The following MAGI1 variants were observed in gnomAD, a reference collection of about 807,000 sequenced individuals.
MAGI1 encodes the protein membrane-associated guanylate kinase, WW and PDZ domain-containing protein 1.
A neutral mutation model predicts 139.9 loss-of-function variants in MAGI1; 58 were observed. The observed-to-expected ratio is 0.41, with a 90% CI of 0.34 to 0.52. MAGI1 has a LOEUF of 0.52. Ranked by LOEUF, MAGI1 falls within the 20% of genes least tolerant of loss-of-function variation. The pLI is 0.12. For missense variants in MAGI1, 1,874 were observed against 1,901.6 expected, an observed-to-expected ratio of 0.99 and a Z score of 0.27; for synonymous variants, 812 against 737.9, an observed-to-expected ratio of 1.10 and a Z score of -1.63.
chr3:65,416,739 G>A (rs2107241596), intron 12 of MAGI1, among the ~76,000 whole-genome samples: 1 of 152,274 alleles, frequency 6.6e-6, no homozygotes, highest in Non-Finnish European at 1.5e-5. Flanking sequence ...TTTCCACGTT[G>A]CCAGTGGAAT....
chr3:65,455,159 G>C (rs1451457215), intron 5 of MAGI1, among the ~76,000 whole-genome samples: 1 of 152,086 alleles, frequency 6.6e-6, no homozygotes, highest in Non-Finnish European at 1.5e-5. Flanking sequence ...TCAGTTAAAA[G>C]AAAGAAGAGA....
chr3:65,801,290 T>C (rs2040496196), intron 1 of MAGI1, among the ~76,000 whole-genome samples: 1 of 152,214 alleles, frequency 6.6e-6, no homozygotes, highest in Non-Finnish European at 1.5e-5. Context: ...CATTTGAGTC[T>C]TTTGAGATCT....
chr3:65,787,387 G>T (rs950939967), intron 1 of MAGI1, among the ~76,000 whole-genome samples: 1 of 151,592 alleles, frequency 6.6e-6, no homozygotes, highest in South Asian at 2.1e-4. Context: ...TTCCTCTGCC[G>T]TTTTTTTAGT....
intron 22 of MAGI1, chr3:65,359,521 C>G (rs1397423076): frequency 9.8e-7 from 1 of 1,023,570 alleles, no homozygotes; most frequent in Non-Finnish European, 1.2e-6. Flanking sequence ...CCTTCCCACC[C>G]CCACCAAAGA....
intron 1 of MAGI1, among the ~76,000 whole-genome samples, chr3:65,965,670 T>C (rs1056311837): frequency 6.6e-6 from 1 of 151,974 alleles, no homozygotes; most frequent in African/African-American, 2.4e-5. Context: ...TTTTTTTTTT[T>C]CTTTTTGGTT....
chr3:65,844,004 T>C (rs2058897871), intron 1 of MAGI1: 4 of 316,942 alleles, frequency 1.3e-5, no homozygotes, highest in Non-Finnish European at 2.5e-5. Context: ...CCATCGAGGG[T>C]ATGCAGATAT....
chr3:65,684,167 CAAAAA>C (rs1163089641), intron 1 of MAGI1, among the ~76,000 whole-genome samples: 1 of 79,412 alleles, frequency 1.3e-5, no homozygotes. Flanking sequence ...GAGACTGTCT[CAAAAA>C]AAAAAAAAAA....
chr3:65,400,629 C>T (rs1944792778), intron 13 of MAGI1, among the ~76,000 whole-genome samples: 1 of 152,062 alleles, frequency 6.6e-6, no homozygotes, highest in South Asian at 2.1e-4. Context: ...GTCATTAGTG[C>T]CCCGGGAGCA....
At chr3:65,939,235 T>A (rs1458052302) in intron 1 of MAGI1, among the ~76,000 whole-genome samples, 1 of 152,180 alleles carries the variant, frequency 6.6e-6, no homozygotes, top group Non-Finnish European at 1.5e-5. Context: ...TTAAAAAAAA[T>A]GCCTTTTGTA....
chr3:65,649,415 T>C (rs2085459514), intron 1 of MAGI1, among the ~76,000 whole-genome samples: 1 of 152,120 alleles, frequency 6.6e-6, no homozygotes, highest in East Asian at 1.9e-4. Context: ...ATGTGTGAAG[T>C]CTTTGGTATC....
intron 1 of MAGI1, among the ~76,000 whole-genome samples, chr3:65,857,039 C>T (rs1274928497): frequency 2.0e-5 from 3 of 152,200 alleles, no homozygotes; most frequent in Non-Finnish European, 2.9e-5. Context: ...TGGCCAGCTC[C>T]AACAGAGGTA....
chr3:65,478,859 G>C (rs990304904), intron 3 of MAGI1, 61 bp from the exon 4 acceptor site: 3 of 1,199,296 alleles, frequency 2.5e-6, no homozygotes, highest in Admixed American at 3.4e-5. Context: ...TTTTTTTTAA[G>C]ACTTCACATC....
At chr3:65,712,818 A>G (rs1252363166) in intron 1 of MAGI1, among the ~76,000 whole-genome samples, 2 of 152,202 alleles carry the variant, frequency 1.3e-5, no homozygotes, top group African/African-American at 4.8e-5. Context: ...TTTGCTATGC[A>G]GCAACAAATG....
At chr3:65,903,728 C>A (rs992437234) in intron 1 of MAGI1, among the ~76,000 whole-genome samples, 2 of 152,146 alleles carry the variant, frequency 1.3e-5, no homozygotes, top group Admixed American at 1.3e-4. Context: ...TAATTCTAGG[C>A]CAGGCGCAGT....
chr3:66,018,110 T>TGG (rs1334327044), intron 1 of MAGI1, among the ~76,000 whole-genome samples: 1 of 45,182 alleles, frequency 2.2e-5, no homozygotes, highest in Non-Finnish European at 5.3e-5. Flanking sequence ...AAGGACACTT[T>TGG]GGTGGGGGGG....
intron 15 of MAGI1, among the ~76,000 whole-genome samples, chr3:65,383,033 G>A (rs1375882647): frequency 6.6e-6 from 1 of 152,114 alleles, no homozygotes; most frequent in South Asian, 2.1e-4. Flanking sequence ...TGAGGCCCAG[G>A]GAAGTTCAAT....
At chr3:65,477,132 T>C (rs1309668462) in intron 4 of MAGI1, among the ~76,000 whole-genome samples, 3 of 152,232 alleles carry the variant, frequency 2.0e-5, no homozygotes, top group African/African-American at 7.2e-5. Flanking sequence ...AAATCTCCTC[T>C]GTCTTTACCT....
At chr3:65,776,815 A>ATTCG (rs1377316580) in intron 1 of MAGI1, among the ~76,000 whole-genome samples, 2 of 152,210 alleles carry the variant, frequency 1.3e-5, no homozygotes, top group African/African-American at 4.8e-5. Flanking sequence ...ACAAAGAGTC[A>ATTCG]TTCGATCTCT....
chr3:65,655,433 C>A (rs2085820636), intron 1 of MAGI1, among the ~76,000 whole-genome samples: 1 of 152,126 alleles, frequency 6.6e-6, no homozygotes, highest in African/African-American at 2.4e-5. Context: ...CAAACTCCAG[C>A]AAAACACAGA....
Sources: allele counts gnomAD v4.1 joint callset (sites outside exome capture counted in the v4.1 genomes callset), GRCh38; gene constraint gnomAD v4.1.1; transcripts MANE v1.5; gene names NCBI Gene and HGNC (gene_info 2026-07-23, HGNC 2026-07-21).